Variants in CFAP61 observed in about 807,000 individuals in gnomAD.
CFAP61 encodes the protein cilia and flagella associated protein 61.
In CFAP61, 107 loss-of-function variants were observed where a neutral mutation model predicts 135.6. The observed-to-expected ratio is 0.79, with a 90% CI of 0.67 to 0.93. CFAP61 has a LOEUF of 0.93. Ranked by LOEUF, CFAP61 falls within the 40% of genes least tolerant of loss-of-function variation. CFAP61 has a pLI of 0.00. For missense variants in CFAP61, 1,507 were observed against 1,556.2 expected (o/e 0.97, Z 0.53); for synonymous variants, 575 against 578.5 (o/e 0.99, Z 0.09).
chr20:20,199,937 G>A (rs765677433), intron 17 of CFAP61, 35 bp downstream of exon 17: 8 of 1,609,128 alleles, frequency 5.0e-6, no homozygotes, highest in Non-Finnish European at 5.9e-6. Context: ...GCGGCGCGGT[G>A]CCAGCTCCCG....
intron 23 of CFAP61, 64 bp from the exon 24 acceptor site, chr20:20,290,236 A>G (rs951821562): frequency 1.6e-5 from 16 of 1,017,540 alleles, no homozygotes; most frequent in Admixed American, 6.8e-5. Flanking sequence ...TGATGAAAAT[A>G]TGAGCTCTGT....
Position 20,356,231 on chromosome 20 carries a change from C to T in CFAP61, c.3514-3979C>T, listed in dbSNP as rs116879185. Among the ~76,000 whole-genome samples the T allele has an allele frequency of 3.3e-4, 40 of 120,590 alleles. 9 individuals carry two copies. The East Asian group carries it at 9.8e-3, about 30-fold the overall frequency. 79.1% of individuals were successfully genotyped at this position (120,590 alleles called of 152,430 possible). ...CATACTGTGAGTGAGGAGCTAGTCA[C>T]ACTGAGGGGAGGGGTCATACTGCGA... On this transcript the variant is annotated intron_variant, in intron 26 of 26. Coordinates refer to ENST00000245957, the MANE Select transcript of CFAP61 (RefSeq NM_015585.4).
chr20:20,091,776 C>T (rs940808791), intron 7 of CFAP61, among the ~76,000 whole-genome samples: 4 of 152,152 alleles, frequency 2.6e-5, no homozygotes, highest in African/African-American at 9.7e-5. Context: ...CTCTCGGGTT[C>T]AAGCAATTCT....
intron 8 of CFAP61, among the ~76,000 whole-genome samples, chr20:20,112,121 T>A (rs1455872254): frequency 1.3e-5 from 2 of 152,186 alleles, no homozygotes; most frequent in Non-Finnish European, 2.9e-5. Context: ...AATGGTGTGA[T>A]TAATGATCTG....
rs147009640 is a variant in CFAP61 at position 20,297,362 on chromosome 20, G to A, written c.3217-819G>A. Among the ~76,000 whole-genome samples, 968 of 152,262 alleles carry A rather than the reference G, an allele frequency of 6.4e-3. 7 individuals are homozygous for A. Among genetic ancestry groups the A allele is most frequent in the African/African-American group, 0.018 (727 of 41,522 alleles). ...TGCACTCAAAGAACATTTATTGAGC[G>A]TTGCTGTGTACTAAGGTCAGAGTCT... On this transcript the variant is annotated intron_variant, in intron 24 of 26. Transcript: ENST00000245957.
intron 25 of CFAP61, among the ~76,000 whole-genome samples, chr20:20,329,811 A>G (rs777626703): frequency 6.6e-6 from 1 of 151,714 alleles, no homozygotes; most frequent in Non-Finnish European, 1.5e-5. Context: ...GCAAACACCG[A>G]CTCCTTCTCC....
At chr20:20,149,229 A>G (rs1219136283) in intron 9 of CFAP61, among the ~76,000 whole-genome samples, 3 of 152,234 alleles carry the variant, frequency 2.0e-5, no homozygotes, top group African/African-American at 4.8e-5. Flanking sequence ...GTCATCTGAG[A>G]TATGGTCTCT....
chr20:20,215,867 G>A (rs970110591), intron 17 of CFAP61, among the ~76,000 whole-genome samples: 10 of 151,932 alleles, frequency 6.6e-5, no homozygotes, highest in Non-Finnish European at 1.2e-4. Flanking sequence ...TTCATATTCT[G>A]TACTGAACCA....
intron 6 of CFAP61, among the ~76,000 whole-genome samples, chr20:20,089,819 C>T (rs975482258): frequency 1.3e-5 from 2 of 152,240 alleles, no homozygotes; most frequent in Non-Finnish European, 1.5e-5. Context: ...AGAATGGAAG[C>T]GGAGTGGATG....
At chr20:20,173,327 T>C (rs1184819466) in intron 13 of CFAP61, among the ~76,000 whole-genome samples, 1 of 152,242 alleles carries the variant, frequency 6.6e-6, no homozygotes, top group African/African-American at 2.4e-5. Flanking sequence ...ATGACCAGAA[T>C]ATGTTTAGTT....
chr20:20,243,572 G>A (rs1471470464), intron 18 of CFAP61, among the ~76,000 whole-genome samples: 1 of 152,050 alleles, frequency 6.6e-6, no homozygotes, highest in African/African-American at 2.4e-5. Flanking sequence ...CAAGTAGCTG[G>A]GATTACAGGC....
intron 18 of CFAP61, 47 bp from the exon 19 acceptor site, chr20:20,246,070 A>G: frequency 8.3e-7 from 1 of 1,205,906 alleles, no homozygotes; most frequent in Non-Finnish European, 1.2e-6. Context: ...AACTTTTGCT[A>G]AATTGCACTT....
At chr20:20,187,055 G>A (rs951402020) in intron 13 of CFAP61, among the ~76,000 whole-genome samples, 15 of 152,184 alleles carry the variant, frequency 9.9e-5, no homozygotes, top group Admixed American at 2.0e-4. Flanking sequence ...ACACCTGGGT[G>A]GGGGATGGGT....
At chr20:20,076,893 C>A (rs1442959118) in intron 6 of CFAP61, among the ~76,000 whole-genome samples, 1 of 152,082 alleles carries the variant, frequency 6.6e-6, no homozygotes, top group African/African-American at 2.4e-5. Context: ...GGTGTAAGTT[C>A]CCTCTGTCAG....
intron 17 of CFAP61, among the ~76,000 whole-genome samples, chr20:20,216,561 ACTT>A (rs1452928830): frequency 3.9e-5 from 6 of 152,206 alleles, no homozygotes; most frequent in Admixed American, 2.0e-4. Context: ...CCCTGCCAGG[ACTT>A]CTGGGCATGG....
intron 2 of CFAP61, among the ~76,000 whole-genome samples, chr20:20,065,566 C>A (rs2045186255): frequency 6.7e-6 from 1 of 149,930 alleles, no homozygotes; most frequent in Non-Finnish European, 1.5e-5. Flanking sequence ...AACTCCTGTC[C>A]CCTGGCCAAG....
intron 25 of CFAP61, among the ~76,000 whole-genome samples, chr20:20,334,172 G>T (rs1186406529): frequency 6.6e-6 from 1 of 152,154 alleles, no homozygotes; most frequent in South Asian, 2.1e-4. Context: ...TGTCGCCCAG[G>T]CTAGAGAGCA....
At chr20:20,150,208 C>G (rs2052281720) in intron 9 of CFAP61, among the ~76,000 whole-genome samples, 2 of 152,110 alleles carry the variant, frequency 1.3e-5, no homozygotes, top group African/African-American at 4.8e-5. Context: ...TCAGTAAGCC[C>G]TGCTCAAGGA....
chr20:20,244,707 C>T (rs1017370132), intron 18 of CFAP61, among the ~76,000 whole-genome samples: 3 of 152,240 alleles, frequency 2.0e-5, no homozygotes, highest in African/African-American at 7.2e-5. Flanking sequence ...TACTTATGCA[C>T]ATTTCTGCAG....
Sources: gnomAD v4.1 joint callset for allele counts (sites outside exome capture counted in the v4.1 genomes callset) on GRCh38, gnomAD v4.1.1 for gene constraint, MANE v1.5 for transcripts, NCBI Gene and HGNC (gene_info 2026-07-23, HGNC 2026-07-21) for gene names.